SLC18A1: variants seen among roughly 807,000 people sequenced by gnomAD.
The protein encoded by SLC18A1 is chromaffin granule amine transporter.
In SLC18A1, 69 loss-of-function variants were observed where a neutral mutation model predicts 53.7. The ratio of observed to expected loss-of-function variants is 1.28; its 90% CI spans 1.06 to 1.57. The LOEUF (loss-of-function observed/expected upper bound fraction) is 1.57. SLC18A1 is among the 40% of genes most tolerant of loss of function. The probability of loss-of-function intolerance (pLI) is 0.00; values close to 1 mark genes in which losing one functional copy is unlikely to be tolerated. For missense variants in SLC18A1, 932 were observed against 668.1 expected (o/e 1.40, Z -4.35); for synonymous variants, 320 against 248.1 (o/e 1.29, Z -2.72).
At chr8:20,171,518 A>G (rs1362739944) in intron 6 of SLC18A1, 24 bp from the exon 7 acceptor site, 1 of 1,572,280 alleles carries the variant, frequency 6.4e-7, no homozygotes, top group Non-Finnish European at 8.8e-7. Flanking sequence ...GGAGACACAG[A>G]TTCCAGAGGT....
chr8:20,172,100 C>T lies in SLC18A1; in HGVS notation c.725-606G>A, dbSNP rs80058429. 3.9e-5 allele frequency among the ~76,000 whole-genome samples: 6 copies of T among 152,348 alleles called. No individual in the cohort carries two copies. The East Asian group carries it at 9.7e-4, about 25-fold the overall frequency. ...CTGCTCTGGGCTCAGGAAGATTGTT[C>T]AGGCAGCATCGTGGTGGAAGGAGGG... On this transcript the variant is annotated intron_variant, in intron 6 of 15. Transcript: ENST00000276373.
At chr8:20,156,650 T>C (rs972284879) in intron 10 of SLC18A1, among the ~76,000 whole-genome samples, 2 of 152,234 alleles carry the variant, frequency 1.3e-5, no homozygotes, top group African/African-American at 4.8e-5. Flanking sequence ...CTCCTTGCTC[T>C]TCTTCTTTTA....
At chr8:20,150,567 T>G in intron 11 of SLC18A1, 99 bp downstream of exon 11, 1 of 1,096,054 alleles carries the variant, frequency 9.1e-7, no homozygotes, top group Admixed American at 1.7e-5. Flanking sequence ...CATCCTAAAC[T>G]TTCAACCGTA....
chr8:20,180,715 C>T, intron 2 of SLC18A1, 126 bp downstream of exon 2: 2 of 1,212,128 alleles, frequency 1.6e-6, no homozygotes, highest in Non-Finnish European at 1.2e-6. Context: ...CCAACAACCT[C>T]TGTGTGTTTT....
At position 20,153,919 on chromosome 8, in the gene SLC18A1, A is replaced by G. The variant is rs115378822; in HGVS notation, c.1016-3175T>C. Among the ~76,000 whole-genome samples the G allele has an allele frequency of 4.1e-3, 620 of 152,306 alleles. 7 individuals carry two copies. Among genetic ancestry groups the G allele is most frequent in the African/African-American group, 0.014 (593 of 41,582 alleles). ...AATTTCACGTTATAACTTCATCTCC[A>G]GTGGTAAAGGTGGGGCTGAGTGGGA... On this transcript the variant is annotated intron_variant, in intron 10 of 15. Coordinates refer to ENST00000276373, the MANE Select transcript of SLC18A1 (RefSeq NM_003053.4).
intron 6 of SLC18A1, among the ~76,000 whole-genome samples, chr8:20,172,771 G>T (rs952750406): frequency 1.3e-5 from 2 of 152,178 alleles, no homozygotes; most frequent in Non-Finnish European, 2.9e-5. Flanking sequence ...GTGTGCATGG[G>T]AACCGAGGCG....
intron 1 of SLC18A1, chr8:20,181,876 C>A (rs2072437669): frequency 6.6e-6 from 1 of 152,198 alleles, no homozygotes; most frequent in Non-Finnish European, 1.5e-5. Context: ...CTACCATGTT[C>A]CCTTGCTCTG....
rs773234412 is a variant in SLC18A1 at position 20,147,275 on chromosome 8, C to T, written c.1447G>A (p.Ala483Thr). 1.7e-5 allele frequency: 27 copies of T among 1,605,180 alleles called. No homozygotes were observed. In the Admixed American group the frequency reaches 3.8e-4, roughly 23 times the overall value. The change falls in exon 15 of 16, where the codon GCA becomes ACA. Residue 483 changes from alanine (A) to threonine (T), a missense_variant. Ala to Thr is a moderately conservative substitution (Grantham distance 58, BLOSUM62 0). Coordinates refer to ENST00000276373, the MANE Select transcript of SLC18A1 (RefSeq NM_003053.4). Reference protein sequence around the residue: ...PLCYYLRSPPAKEEKLAILSQ... With the variant: ...PLCYYLRSPPTKEEKLAILSQ... ...CTCCTTACAAGCTTCTCTTCCTTTGCCGGGGGGCTCCGCAGGTAGTAGCAG... is the reference window on the plus strand; with the variant it reads ...CTCCTTACAAGCTTCTCTTCCTTTGTCGGGGGGCTCCGCAGGTAGTAGCAG...
Position 20,171,561 on chromosome 8 carries a change from T to C in SLC18A1, c.725-67A>G, listed in dbSNP as rs77743035. 1.1e-3 allele frequency: 1,466 copies of C among 1,275,148 alleles called. 14 individuals carry two copies. The African/African-American group carries it at 0.018, about 16-fold the overall frequency. The allele number at this position is 1,275,148 out of a possible 1,614,324, so 79.0% of individuals were successfully genotyped here. ...AGTCCTTTGCAGTGAGAATTATCCA[T>C]ATTTACCCCGTGAGCATTTGCAGAA... On this transcript the variant is annotated intron_variant, in intron 6 of 15. Coordinates refer to ENST00000276373, the MANE Select transcript of SLC18A1 (RefSeq NM_003053.4).
rs374798341 is a variant in SLC18A1, at chr8:20,167,133, CA to C, written c.859-2027del. On this transcript the variant is annotated intron_variant, in intron 8 of 15. Transcript: ENST00000276373. ...GAGAAAAAAAACTAAAACTAAATGC[CA>C]AAAAAAAAAAACCCCACAAATGGAT... 1.3e-3 allele frequency among the ~76,000 whole-genome samples: 167 copies of C among 131,198 alleles called. 1 individual carries two copies. Among genetic ancestry groups the C allele is most frequent in the East Asian group, 9.0e-3 (41 of 4,546 alleles). 86.1% of individuals were successfully genotyped at this position (131,198 alleles called of 152,430 possible). A position where few individuals can be genotyped will look rare whatever the true frequency, so the allele number is the denominator to read the frequency against.
intron 5 of SLC18A1, 34 bp from the exon 6 acceptor site, chr8:20,173,162 TG>T: frequency 1.3e-6 from 2 of 1,503,146 alleles, no homozygotes; most frequent in Non-Finnish European, 1.8e-6. Flanking sequence ...GCTGGCCCCC[TG>T]GGGGGCTTCT....
chr8:20,161,981 G>A (rs548188256), intron 10 of SLC18A1, among the ~76,000 whole-genome samples: 26 of 152,302 alleles, frequency 1.7e-4, no homozygotes, highest in South Asian at 6.2e-4. Flanking sequence ...GGTGGAAGAA[G>A]TCATGCACCC....
At chr8:20,155,058 G>A (rs958850089) in intron 10 of SLC18A1, among the ~76,000 whole-genome samples, 1 of 152,136 alleles carries the variant, frequency 6.6e-6, no homozygotes, top group African/African-American at 2.4e-5. Flanking sequence ...GTGACCCACG[G>A]CTTCTAATAG....
chr8:20,174,229 G>T, intron 5 of SLC18A1, 132 bp downstream of exon 5: 2 of 735,826 alleles, frequency 2.7e-6, no homozygotes, highest in Non-Finnish European at 4.8e-6. Flanking sequence ...CCTTATTTCT[G>T]AATCACAATT....
chr8:20,157,814 AAAG>A (rs759101874), intron 10 of SLC18A1, among the ~76,000 whole-genome samples: 16 of 152,154 alleles, frequency 1.1e-4, no homozygotes, highest in Non-Finnish European at 1.6e-4. Context: ...AACGGGAGAA[AAAG>A]AAGGCCACCC....
chr8:20,168,728 C>G (rs1376149083), intron 8 of SLC18A1, among the ~76,000 whole-genome samples: 2 of 152,096 alleles, frequency 1.3e-5, no homozygotes, highest in East Asian at 3.9e-4. Context: ...CCACCATGCC[C>G]AGCTAATTTT....
intron 10 of SLC18A1, among the ~76,000 whole-genome samples, chr8:20,153,688 A>C (rs1017365478): frequency 6.6e-6 from 1 of 151,736 alleles, no homozygotes; most frequent in African/African-American, 2.4e-5. Flanking sequence ...GAAAGAAGTG[A>C]GGACAGGAGT....
chr8:20,155,943 G>T (rs1276235723), intron 10 of SLC18A1, among the ~76,000 whole-genome samples: 1 of 152,156 alleles, frequency 6.6e-6, no homozygotes, highest in African/African-American at 2.4e-5. Flanking sequence ...TGGCTAGGAG[G>T]ATTGCTCTGC....
At chr8:20,178,950 A>T (rs546219372) in intron 3 of SLC18A1, among the ~76,000 whole-genome samples, 171 bp downstream of exon 3, 4 of 152,274 alleles carry the variant, frequency 2.6e-5, no homozygotes, top group African/African-American at 9.6e-5. Flanking sequence ...ATCCCATAAC[A>T]TTTCATCAGT....
Sources: gnomAD v4.1 joint callset for allele counts (sites outside exome capture counted in the v4.1 genomes callset) on GRCh38, gnomAD v4.1.1 for gene constraint, MANE v1.5 for transcripts, NCBI Gene and HGNC (gene_info 2026-07-23, HGNC 2026-07-21) for gene names.